The following FARS2 variants were observed in gnomAD, a reference collection of about 807,000 sequenced individuals.
FARS2 encodes the protein phenylalanyl-tRNA synthetase 2, mitochondrial, also known as phenylalanine--tRNA ligase, mitochondrial.
Under a neutral mutation model 46.4 loss-of-function variants are expected in FARS2, and 40 were observed. The ratio of observed to expected loss-of-function variants is 0.86; its 90% confidence interval spans 0.67 to 1.12. The LOEUF is 1.12. Among genes scored for constraint, FARS2 ranks in the 50% most tolerant of loss-of-function variants. The pLI, the probability that FARS2 is intolerant of heterozygous loss-of-function variation, is 0.00. For missense variants in FARS2, 513 were observed against 567.9 expected, an observed-to-expected ratio of 0.90 and a Z score of 0.98; for synonymous variants, 234 against 214.9, an observed-to-expected ratio of 1.09 and a Z score of -0.78.
At chr6:5,663,372 A>C (rs1166545702) in intron 6 of FARS2, among the ~76,000 whole-genome samples, 1 of 152,182 alleles carries the variant, frequency 6.6e-6, no homozygotes, top group East Asian at 1.9e-4. Context: ...ATTCTTCCCA[A>C]TATCTGTTTG....
chr6:5,671,989 C>T (rs1178044082), intron 6 of FARS2, among the ~76,000 whole-genome samples: 1 of 152,144 alleles, frequency 6.6e-6, no homozygotes, highest in African/African-American at 2.4e-5. Flanking sequence ...TACTTTTCCA[C>T]AAAAATACCA....
chr6:5,753,157 T>C (rs1172320246), intron 6 of FARS2, among the ~76,000 whole-genome samples: 1 of 150,142 alleles, frequency 6.7e-6, no homozygotes, highest in Admixed American at 6.8e-5. Flanking sequence ...GGAGAGAGGG[T>C]GAGGGAGGAG....
At chr6:5,292,596 C>T (rs886510646) in intron 1 of FARS2, among the ~76,000 whole-genome samples, 1 of 152,072 alleles carries the variant, frequency 6.6e-6, no homozygotes, top group African/African-American at 2.4e-5. Context: ...ACCATTCACC[C>T]AGGTAGTAAA....
At chr6:5,398,821 G>C (rs184142671) in intron 2 of FARS2, among the ~76,000 whole-genome samples, 1 of 151,960 alleles carries the variant, frequency 6.6e-6, no homozygotes, top group African/African-American at 2.4e-5. Flanking sequence ...TGAGAAACCT[G>C]GTTCTTCTTA....
At chr6:5,439,476 C>G in intron 4 of FARS2, among the ~76,000 whole-genome samples, 1 of 152,218 alleles carries the variant, frequency 6.6e-6, no homozygotes, top group East Asian at 1.9e-4. Context: ...GAACTTCACC[C>G]TGTGTGGGTT....
rs1019958357 is a variant in FARS2 at position 5,501,692 on chromosome 6, G to A, written c.905-43488G>A. Among the ~76,000 whole-genome samples, 20 of 152,054 alleles carry A rather than the reference G, an allele frequency of 1.3e-4. 1 individual carries two copies. The highest frequency in any genetic ancestry group is 7.9e-4 in the Admixed American group (12 of 15,264). On this transcript the variant is annotated intron_variant, in intron 4 of 6. Coordinates refer to ENST00000274680, the MANE Select transcript of FARS2 (RefSeq NM_006567.5). ...GTATTTTTAGTAGAGATGGGGTTTT[G>A]CCACGTTGGCCAGGCTGATCTTGAA...
At chr6:5,758,743 C>T (rs1762338283) in intron 6 of FARS2, among the ~76,000 whole-genome samples, 1 of 152,178 alleles carries the variant, frequency 6.6e-6, no homozygotes, top group Admixed American at 6.5e-5. Context: ...ATCGCTGTCT[C>T]TGGAAGCTTC....
At chr6:5,763,401 A>G (rs2150981204) in intron 6 of FARS2, among the ~76,000 whole-genome samples, 1 of 152,300 alleles carries the variant, frequency 6.6e-6, no homozygotes, top group Non-Finnish European at 1.5e-5. Context: ...GCAGTGAGCC[A>G]TCATTGTGCC....
intron 4 of FARS2, among the ~76,000 whole-genome samples, chr6:5,459,866 A>G (rs1005716103): frequency 1.3e-5 from 2 of 152,042 alleles, no homozygotes; most frequent in African/African-American, 4.8e-5. Flanking sequence ...CATTCTCTGT[A>G]TCTCTAAGTA....
chr6:5,752,521 GC>G (rs1408323344), intron 6 of FARS2, among the ~76,000 whole-genome samples: 6 of 152,148 alleles, frequency 3.9e-5, no homozygotes, highest in Non-Finnish European at 7.3e-5. Context: ...CGCTTCAAAT[GC>G]CACAAACAGC....
intron 6 of FARS2, among the ~76,000 whole-genome samples, chr6:5,614,013 A>G (rs1775328628): frequency 6.6e-6 from 1 of 152,158 alleles, no homozygotes; most frequent in Non-Finnish European, 1.5e-5. Flanking sequence ...CATGAGATGC[A>G]GAAGGCAGCC....
Position 5,739,275 on chromosome 6 carries a change from T to G in FARS2, c.1218-32016T>G, listed in dbSNP as rs1246455420. Among the ~76,000 whole-genome samples, 6 of 151,376 alleles carry G rather than the reference T, an allele frequency of 4.0e-5. No individual in the cohort carries two copies. The East Asian group carries it at 1.2e-3, about 29-fold the overall frequency. ...CTCTGGGAGGCCAAGGTAGGAGGAT[T>G]GCTTGAGATCAGGAGTTCAAGACTA... On this transcript the variant is annotated intron_variant, in intron 6 of 6. Coordinates refer to ENST00000274680, the MANE Select transcript of FARS2 (RefSeq NM_006567.5).
rs767530718 is a variant in FARS2, at chr6:5,404,659, A to C, written c.730A>C (p.Lys244Gln). The C allele has an allele frequency of 2.7e-5, 43 of 1,608,724 alleles. No homozygotes were observed. In the Admixed American group the frequency reaches 3.9e-4, roughly 14 times the overall value. ...EAVKLVEFDL[K>Q]QTLTRLMAHL... ...CGTGAAGCTTGTAGAGTTTGATCTT[A>C]AGCAAACGCTTACCAGGCTCATGGC... is the stretch of plus-strand genomic sequence containing the variant. The change falls in exon 3 of 7, where the codon AAG (lysine) becomes CAG (glutamine). Residue 244 changes from lysine (K) to glutamine (Q), a missense_variant. Physicochemically the swap from Lys to Gln is moderately conservative, Grantham distance 53 (BLOSUM62 1). Coordinates refer to ENST00000274680, the MANE Select transcript of FARS2 (RefSeq NM_006567.5).
At chr6:5,763,557 T>C (rs1433600677) in intron 6 of FARS2, among the ~76,000 whole-genome samples, 2 of 152,118 alleles carry the variant, frequency 1.3e-5, no homozygotes, top group African/African-American at 4.8e-5. Flanking sequence ...TCCACTCCTG[T>C]CACTGGGGGC....
chr6:5,424,615 G>T (rs544130092), intron 3 of FARS2, among the ~76,000 whole-genome samples: 1 of 152,170 alleles, frequency 6.6e-6, no homozygotes, highest in Non-Finnish European at 1.5e-5. Context: ...TTAACATCTG[G>T]CAGTAAAAAG....
chr6:5,273,886 G>A (rs1454458972), intron 1 of FARS2, among the ~76,000 whole-genome samples: 2 of 152,132 alleles, frequency 1.3e-5, no homozygotes, highest in Non-Finnish European at 2.9e-5. Context: ...ATTTATTGAA[G>A]AGTGTTTTTT....
intron 6 of FARS2, among the ~76,000 whole-genome samples, chr6:5,719,132 C>T (rs1465401099): frequency 6.6e-6 from 1 of 152,056 alleles, no homozygotes; most frequent in African/African-American, 2.4e-5. Context: ...CCTATAATCC[C>T]AGCACTTTGG....
intron 4 of FARS2, among the ~76,000 whole-genome samples, chr6:5,534,355 G>C (rs1770050826): frequency 1.3e-5 from 2 of 152,080 alleles, no homozygotes; most frequent in South Asian, 2.1e-4. Flanking sequence ...TTACAGTGTT[G>C]TGCAACCATC....
chr6:5,395,980 G>A (rs977750464), intron 2 of FARS2, among the ~76,000 whole-genome samples: 2 of 152,232 alleles, frequency 1.3e-5, no homozygotes, highest in South Asian at 2.1e-4. Flanking sequence ...TAATGTTAAT[G>A]TCATAGCCCA....
Sources: allele counts gnomAD v4.1 joint callset (sites outside exome capture counted in the v4.1 genomes callset), GRCh38; gene constraint gnomAD v4.1.1; transcripts MANE v1.5; gene names NCBI Gene and HGNC (gene_info 2026-07-23, HGNC 2026-07-21).